Variants in EPG5 observed in about 807,000 individuals in gnomAD.
EPG5 encodes the protein ectopic P-granules 5 autophagy tethering factor.
EPG5 carries 159 observed loss-of-function variants against 302.7 expected under a neutral mutation model. The observed-to-expected ratio is 0.53, with a 90% CI of 0.46 to 0.60. The LOEUF is 0.60. EPG5 is among the 20% of genes least tolerant of loss of function. The probability of loss-of-function intolerance (pLI) is 0.00; values close to 1 mark genes in which losing one functional copy is unlikely to be tolerated. For missense variants in EPG5, 2,896 were observed against 3,092.4 expected, an observed-to-expected ratio of 0.94 and a Z score of 1.51; for synonymous variants, 1,158 against 1,136.8, an observed-to-expected ratio of 1.02 and a Z score of -0.37.
chr18:45,831,430 T>G, the EPG5 span, among the ~76,000 whole-genome samples: 1 of 152,180 alleles, frequency 6.6e-6, no homozygotes, highest in Non-Finnish European at 1.5e-5. Flanking sequence ...AATTTTCATG[T>G]CCCTGGGCTG....
chr18:45,803,174 C>A, the EPG5 span, among the ~76,000 whole-genome samples: 1 of 152,150 alleles, frequency 6.6e-6, no homozygotes, highest in Non-Finnish European at 1.5e-5. Flanking sequence ...TTTCTCAGAG[C>A]AATGATCCTT....
intron 2 of EPG5, chr18:45,953,884 C>A: frequency 2.0e-6 from 2 of 985,324 alleles, no homozygotes; most frequent in Non-Finnish European, 2.4e-6. Flanking sequence ...TCAGTTTCCT[C>A]ATCCCTTCTC....
intron 36 of EPG5, among the ~76,000 whole-genome samples, chr18:45,870,214 G>A (rs1156267464): frequency 2.0e-5 from 3 of 152,084 alleles, no homozygotes; most frequent in African/African-American, 4.8e-5. Flanking sequence ...GACATTTAAC[G>A]ATAAGCAGTT....
chr18:45,848,213 C>G lies in EPG5; in HGVS notation c.*4254G>C, dbSNP rs2048382431. 6.6e-6 allele frequency: 1 copy of G among 152,132 alleles called. No individual in the cohort carries two copies. The highest frequency in any genetic ancestry group is 2.4e-5 in the African/African-American group (1 of 41,430). The allele number at this position is 152,132 out of a possible 1,614,324, so 9.4% of individuals were successfully genotyped here. On this transcript the variant is annotated 3_prime_UTR_variant, in exon 44 of 44. Coordinates refer to ENST00000282041, the MANE Select transcript of EPG5 (RefSeq NM_020964.3). ...TCTTTTAATCAACACACTTATTTCC[C>G]AACATTATATTCTCCATTTTGCTTA...
intron 8 of EPG5, 57 bp downstream of exon 8, chr18:45,943,948 G>T: frequency 9.1e-7 from 1 of 1,096,864 alleles, no homozygotes; most frequent in Non-Finnish European, 1.4e-6. Context: ...TCAATGCAGA[G>T]TTCCTGTGTT....
intron 20 of EPG5, among the ~76,000 whole-genome samples, chr18:45,915,198 A>G (rs2145705441): frequency 6.6e-6 from 1 of 152,022 alleles, no homozygotes; most frequent in Middle Eastern, 3.4e-3. Flanking sequence ...GAATAGCTTG[A>G]ACCCGGGAGG....
chr18:45,802,532 C>CA, the EPG5 span, among the ~76,000 whole-genome samples: 10 of 146,804 alleles, frequency 6.8e-5, no homozygotes, highest in South Asian at 2.2e-4. Context: ...AAACAAAAAA[C>CA]AAAAAAAAAA....
rs556533965 is a variant in EPG5, at chr18:45,848,657, C to G, written c.*3810G>C. On this transcript the variant is annotated 3_prime_UTR_variant, in exon 44 of 44. Coordinates refer to ENST00000282041, the MANE Select transcript of EPG5 (RefSeq NM_020964.3). ...CAACTTAAATGTATGCCCCAGGTGCCTCATTTGTCTCACCCTAGCCCTGGC... is the reference window on the plus strand; with the variant it reads ...CAACTTAAATGTATGCCCCAGGTGCGTCATTTGTCTCACCCTAGCCCTGGC... 5.2e-5 allele frequency: 8 copies of G among 152,394 alleles called. No homozygotes were observed. The East Asian group carries it at 1.5e-3, about 29-fold the overall frequency. 9.4% of individuals were successfully genotyped at this position (152,394 alleles called of 1,614,324 possible). A position where few individuals can be genotyped will look rare whatever the true frequency, so the allele number is the denominator to read the frequency against.
downstream of EPG5, chr18:45,844,135 G>A (rs1286124109): frequency 6.6e-6 from 1 of 152,022 alleles, no homozygotes; most frequent in Non-Finnish European, 1.5e-5. Flanking sequence ...GGAACTGGCA[G>A]CCATTATGTT....
chr18:45,880,235 G>T lies in EPG5; in HGVS notation c.5519-12C>A, dbSNP rs1409266866. The T allele has an allele frequency of 2.5e-5, 39 of 1,573,766 alleles. No individual in the cohort carries two copies. Among genetic ancestry groups the T allele is most frequent in the Non-Finnish European group, 3.4e-5 (39 of 1,159,012 alleles). The stretch of plus-strand genomic sequence containing the variant: ...CTGCTCCGCGGAGCCTGCCAGCAGG[G>T]ACAGGAAGAGCAAGTCAGTGGCTTT... On this transcript the variant is annotated splice_polypyrimidine_tract_variant and intron_variant, in intron 31 of 43. Coordinates refer to ENST00000282041, the MANE Select transcript of EPG5 (RefSeq NM_020964.3).
At chr18:45,855,793 AT>A in intron 42 of EPG5, 106 bp from the exon 43 acceptor site, 1 of 733,728 alleles carries the variant, frequency 1.4e-6, no homozygotes, top group Non-Finnish European at 2.4e-6. Context: ...ACATTTCCAG[AT>A]CTACTGTGTT....
chr18:45,802,558 C>T, the EPG5 span, among the ~76,000 whole-genome samples: 1 of 151,952 alleles, frequency 6.6e-6, no homozygotes, highest in Non-Finnish European at 1.5e-5. Flanking sequence ...TGGTCCTTTC[C>T]AGCTACATCC....
intron 23 of EPG5, among the ~76,000 whole-genome samples, chr18:45,909,305 A>G (rs1454743533): frequency 6.6e-6 from 1 of 152,224 alleles, no homozygotes; most frequent in African/African-American, 2.4e-5. Context: ...GCAGAAAGGA[A>G]TATCAAAGAC....
the EPG5 span, chr18:45,837,663 C>A: frequency 3.3e-6 from 5 of 1,500,682 alleles, no homozygotes; most frequent in Admixed American, 2.1e-5. Context: ...GAGCCCTATG[C>A]GGGCCCGCAG....
In EPG5 at chr18:45,912,431, G is replaced by A. The variant is rs2049927283; in HGVS notation, c.3842C>T (p.Pro1281Leu). The A allele has an allele frequency of 6.2e-7, 1 of 1,602,478 alleles. No individual in the cohort carries two copies. Residue 1281 changes from proline to leucine, a missense_variant, in exon 22 of 44, where the codon CCC becomes CTC. Pro to Leu is a moderately conservative substitution (Grantham distance 98). Around this residue, in one of 5 missense-constraint regions of EPG5, gnomAD observed 64 missense variants for 101.8 expected, o/e 0.63. Coordinates refer to ENST00000282041, the MANE Select transcript of EPG5 (RefSeq NM_020964.3). The stretch of plus-strand genomic sequence containing the variant: ...CAGCCTCTGGAGGGATGGCACGATG[G>A]GGAGCTTCAGCTGGGTCTGGGCTTT... The part of the protein sequence containing the change: ...LKKAQTQLKL[P>L]IVPSLQRLLI...
intron 6 of EPG5, among the ~76,000 whole-genome samples, chr18:45,947,355 G>A (rs1284706099): frequency 6.6e-6 from 1 of 152,156 alleles, no homozygotes; most frequent in Non-Finnish European, 1.5e-5. Context: ...AGAGGTTGCA[G>A]TGAGCTGAGA....
rs563674484 is a variant in EPG5 at position 45,907,585 on chromosome 18, CTACAAATTCT to C, written c.4329+363_4329+372del. On this transcript the variant is annotated intron_variant, in intron 24 of 43. Transcript: ENST00000282041. Reference sequence around the variant, plus strand: ...AACCTCCCACATCACATATGGATCCCTACAAATTCTTACAAATTCTTACACTGCATGTAAG... The same window carrying C: ...AACCTCCCACATCACATATGGATCCCTACAAATTCTTACACTGCATGTAAG... Among the ~76,000 whole-genome samples, 22 of 152,184 alleles carry C rather than the reference CTACAAATTCT, an allele frequency of 1.4e-4. No homozygotes were observed. In the South Asian group the frequency reaches 4.4e-3, roughly 30 times the overall value.
At chr18:45,966,793 T>C (rs545289687) in intron 1 of EPG5, among the ~76,000 whole-genome samples, 7 of 152,156 alleles carry the variant, frequency 4.6e-5, no homozygotes, top group Admixed American at 2.6e-4. Context: ...TCCCTCTTTA[T>C]GCATGGCAGG....
chr18:45,832,169 C>T, the EPG5 span, among the ~76,000 whole-genome samples: 41 of 152,368 alleles, frequency 2.7e-4, no homozygotes, highest in Non-Finnish European at 4.4e-4. Flanking sequence ...GTGTTCAGTG[C>T]TCTACATACG....
Sources: gnomAD v4.1 joint callset for allele counts (sites outside exome capture counted in the v4.1 genomes callset) on GRCh38, gnomAD v4.1.1 for gene constraint, gnomAD v4.1.1 regional missense constraint, MANE v1.5 for transcripts, NCBI Gene and HGNC (gene_info 2026-07-23, HGNC 2026-07-21) for gene names.